Variants in PLXDC1 observed in about 807,000 individuals in gnomAD.
PLXDC1 encodes plexin domain-containing protein 1.
PLXDC1 carries 39 observed loss-of-function variants against 61.3 expected under a neutral mutation model. The observed-to-expected ratio is 0.64, with a 90% CI of 0.49 to 0.83. The LOEUF is 0.83. Among genes scored for constraint, PLXDC1 ranks in the 40% least tolerant of loss-of-function variants. PLXDC1 has a pLI of 0.00. For missense variants in PLXDC1, 596 were observed against 666.5 expected (o/e 0.89, Z 1.17); for synonymous variants, 212 against 254.5 (o/e 0.83, Z 1.59).
At chr17:39,133,302 T>C (rs559139384) in intron 2 of PLXDC1, among the ~76,000 whole-genome samples, 1 of 151,944 alleles carries the variant, frequency 6.6e-6, no homozygotes, top group East Asian at 1.9e-4. Flanking sequence ...AGAGTTTGGG[T>C]ATGGAGCCAC....
upstream of PLXDC1, chr17:39,152,809 T>G (rs2045383301): frequency 5.8e-6 from 4 of 687,696 alleles, no homozygotes; most frequent in South Asian, 7.8e-5. Flanking sequence ...AAAAAACACC[T>G]AAGAAAGGAA....
At chr17:39,122,094 C>CAAAA (rs766421360) in intron 2 of PLXDC1, among the ~76,000 whole-genome samples, 5 of 78,192 alleles carry the variant, frequency 6.4e-5, no homozygotes, top group Non-Finnish European at 9.4e-5. Context: ...AAGACTCTGT[C>CAAAA]AAAAAAAAAA....
At chr17:39,148,927 C>CA (rs2045357342) in intron 1 of PLXDC1, among the ~76,000 whole-genome samples, 1 of 152,112 alleles carries the variant, frequency 6.6e-6, no homozygotes, top group Middle Eastern at 3.2e-3. Flanking sequence ...TCAGGGTCAC[C>CA]AGTAGTTGGT....
intron 6 of PLXDC1, 44 bp downstream of exon 6, chr17:39,107,363 A>T: frequency 8.7e-7 from 1 of 1,152,018 alleles, no homozygotes; most frequent in South Asian, 1.4e-5. Context: ...CTGAATGAAG[A>T]AAGGCTCCAA....
intron 2 of PLXDC1, among the ~76,000 whole-genome samples, chr17:39,123,776 C>T (rs1463888720): frequency 1.3e-5 from 2 of 152,202 alleles, no homozygotes; most frequent in African/African-American, 2.4e-5. Flanking sequence ...CAGCATTTAC[C>T]TTGGCTGAGC....
upstream of PLXDC1, among the ~76,000 whole-genome samples, chr17:39,151,997 T>C (rs11869501): frequency 0.26 from 39,026 of 151,774 alleles, 8,032 homozygotes; most frequent in African/African-American, 0.58. This position sits in a 1 kb window ranked among gnomAD's most constrained non-coding sequence, Gnocchi z 5.2. Context: ...CCCTGACTGT[T>C]CCCCGCCCCC....
At chr17:39,123,362 G>A (rs1911223375) in intron 2 of PLXDC1, among the ~76,000 whole-genome samples, 1 of 152,106 alleles carries the variant, frequency 6.6e-6, no homozygotes, top group Non-Finnish European at 1.5e-5. Flanking sequence ...GCTAATTTTT[G>A]TAATTTTAGT....
Position 39,151,296 on chromosome 17 carries a change from G to A in PLXDC1, c.76+66C>T. 1 of 1,174,436 alleles carries A rather than the reference G, an allele frequency of 8.5e-7. No homozygotes were observed. Among genetic ancestry groups the A allele is most frequent in the Non-Finnish European group, 1.1e-6 (1 of 927,388 alleles). The allele number at this position is 1,174,436 out of a possible 1,614,324, so 72.8% of individuals were successfully genotyped here. ...CGCCAGGCCGTCCACACCTGCCCAT[G>A]CCCACACCTGACTGCCCGTCCCTCC... On this transcript the variant is annotated intron_variant, in intron 1 of 13. Transcript: ENST00000315392. The surrounding 1 kb of genome is among the most constrained non-coding windows in gnomAD (Gnocchi z 5.2).
At chr17:39,137,291 A>G (rs1911784599) in intron 2 of PLXDC1, 1 of 152,252 alleles carries the variant, frequency 6.6e-6, no homozygotes, top group Non-Finnish European at 1.5e-5. Context: ...GCGGTGGCTT[A>G]CACTTGTAAT....
chr17:39,134,123 A>G (rs183082921), intron 2 of PLXDC1, among the ~76,000 whole-genome samples: 165 of 151,982 alleles, frequency 1.1e-3, no homozygotes, highest in African/African-American at 2.2e-3. Flanking sequence ...GCGTGGTGGC[A>G]GGCGCCTGTA....
intron 7 of PLXDC1, among the ~76,000 whole-genome samples, chr17:39,091,320 C>T (rs540748204): frequency 2.4e-4 from 28 of 118,718 alleles, no homozygotes; most frequent in African/African-American, 8.1e-4. Flanking sequence ...GCAACACACA[C>T]CCACTGACTC....
At chr17:39,088,467 T>C (rs1381642390) in intron 7 of PLXDC1, among the ~76,000 whole-genome samples, 1 of 152,186 alleles carries the variant, frequency 6.6e-6, no homozygotes, top group Non-Finnish European at 1.5e-5. Context: ...CTCAGTTTCT[T>C]GTCTGTGGAG....
chr17:39,139,527 CACCCTGTCCTCCGGGGCCA>C (rs1478823048), intron 2 of PLXDC1, 108 bp downstream of exon 2: 22 of 855,244 alleles, frequency 2.6e-5, no homozygotes, highest in Non-Finnish European at 3.6e-6. Flanking sequence ...TTCTTCTCTC[CACCCTGTCCTCCGGGGCCA>C]ACCCCAAATG....
intron 7 of PLXDC1, among the ~76,000 whole-genome samples, chr17:39,093,824 G>A (rs1910045409): frequency 6.6e-6 from 1 of 152,132 alleles, no homozygotes; most frequent in Non-Finnish European, 1.5e-5. Flanking sequence ...CCCGTGGCAA[G>A]CCTCGTAAAT....
intron 2 of PLXDC1, among the ~76,000 whole-genome samples, chr17:39,117,641 C>G (rs1054394621): frequency 6.6e-6 from 1 of 152,108 alleles, no homozygotes; most frequent in Non-Finnish European, 1.5e-5. Context: ...ACTTGTGAGG[C>G]TGGGGCAGGA....
intron 7 of PLXDC1, among the ~76,000 whole-genome samples, chr17:39,105,267 C>A (rs529546971): frequency 6.6e-6 from 1 of 152,192 alleles, no homozygotes; most frequent in Admixed American, 6.5e-5. Flanking sequence ...AAATCCAAGA[C>A]CCTCGTGAGC....
intron 2 of PLXDC1, chr17:39,113,054 T>C (rs1338788683): frequency 6.6e-6 from 1 of 152,238 alleles, no homozygotes; most frequent in Non-Finnish European, 1.5e-5. Context: ...GGGTGGGCCC[T>C]AAATCCAATG....
rs1908805236 is a variant in PLXDC1, at chr17:39,064,054, A to G, written c.*3786T>C. The G allele has an allele frequency of 6.4e-6, 1 of 155,940 alleles. No individual in the cohort carries two copies. The highest frequency in any genetic ancestry group is 1.4e-5 in the Non-Finnish European group (1 of 70,114). The allele number at this position is 155,940 out of a possible 1,614,324, so 9.7% of individuals were successfully genotyped here. On this transcript the variant is annotated 3_prime_UTR_variant, in exon 14 of 14. Transcript: ENST00000315392. ...CTGAGCACAGCTACAACCTTGTCCA[A>G]TCTCTTTAGCAACAAAATACCTGTG...
At chr17:39,070,982 A>G (rs1567752084) in intron 12 of PLXDC1, among the ~76,000 whole-genome samples, 1 of 152,236 alleles carries the variant, frequency 6.6e-6, no homozygotes, top group Non-Finnish European at 1.5e-5. Context: ...CGTCTCAAAC[A>G]AAACAAAACA....
Sources: gnomAD v4.1 joint callset for allele counts (sites outside exome capture counted in the v4.1 genomes callset) on GRCh38, gnomAD v4.1.1 for gene constraint, Gnocchi (gnomAD v3.1) non-coding constraint, MANE v1.5 for transcripts, NCBI Gene and HGNC (gene_info 2026-07-23, HGNC 2026-07-21) for gene names.